Variants in ELMO2 observed in about 807,000 individuals in gnomAD.
ELMO2 encodes engulfment and cell motility 2, also known as engulfment and cell motility protein 2.
In ELMO2, 37 loss-of-function variants were observed where a neutral mutation model predicts 96.2. The observed-to-expected ratio is 0.38, with a 90% CI of 0.30 to 0.51. The LOEUF is 0.51. Among genes scored for constraint, ELMO2 ranks in the 20% least tolerant of loss-of-function variants. The pLI is 0.88. For synonymous variants in ELMO2, 315 were observed against 329.4 expected, an observed-to-expected ratio of 0.96 and a Z score of 0.47; for missense variants, 561 against 912.6, an observed-to-expected ratio of 0.61 and a Z score of 4.96.
At position 46,374,460 on chromosome 20, in the gene ELMO2, G is replaced by A. The variant is rs1380056421; in HGVS notation, c.1171-20C>T. On this transcript the variant is annotated intron_variant, in intron 14 of 21. Transcript: ENST00000290246. ...GACAATCTGTCGGGGGAAGAGAAAG[G>A]GAGGATTAGGGAGATGAAGGAGGAA... 3 of 1,613,060 alleles carry A rather than the reference G, an allele frequency of 1.9e-6. No individual in the cohort carries two copies. Among genetic ancestry groups the A allele is most frequent in the Non-Finnish European group, 2.5e-6 (3 of 1,179,030 alleles).
intron 2 of ELMO2, among the ~76,000 whole-genome samples, chr20:46,398,256 C>G (rs2060279613): frequency 6.6e-6 from 1 of 152,082 alleles, no homozygotes; most frequent in South Asian, 2.1e-4. Flanking sequence ...TATATGGTAA[C>G]TTCATAGTAA....
At chr20:46,376,868 T>C (rs2059869547) in intron 11 of ELMO2, 2 of 1,196,684 alleles carry the variant, frequency 1.7e-6, no homozygotes, top group Non-Finnish European at 2.1e-6. Flanking sequence ...GCTATTTGCA[T>C]TTAAATCAGT....
chr20:46,401,104 T>C lies in ELMO2; in HGVS notation c.-125-2333A>G, dbSNP rs566044741. 6.6e-5 allele frequency among the ~76,000 whole-genome samples: 10 copies of C among 152,348 alleles called. No homozygotes were observed. In the East Asian group the frequency reaches 7.7e-4, roughly 12 times the overall value. On this transcript the variant is annotated intron_variant, in intron 1 of 21. Coordinates refer to ENST00000290246, the MANE Select transcript of ELMO2 (RefSeq NM_133171.5). ...GAGGCATGGGTAAGTTTGGTTTATGTTTCCTGCAACAGAATGCAACCTCAT... is the reference window on the plus strand; with the variant it reads ...GAGGCATGGGTAAGTTTGGTTTATGCTTCCTGCAACAGAATGCAACCTCAT...
Position 46,389,220 on chromosome 20 carries a change from A to T in ELMO2, c.244T>A (p.Ser82Thr). The T allele has an allele frequency of 6.2e-7, 1 of 1,613,474 alleles. No individual in the cohort carries two copies. The highest frequency in any genetic ancestry group is 1.1e-5 in the South Asian group (1 of 91,010). The change falls in exon 7 of 22, where the codon TCC becomes ACC. Residue 82 changes from serine (S) to threonine (T), a missense_variant and splice_region_variant. Ser to Thr is a moderately conservative substitution (Grantham distance 58). Transcript: ENST00000290246. ...TCCATCAGCTGGCGTGCAGCCCGGG[A>T]CTAGGAGGCCAGGGACAAGATATGT... is the stretch of plus-strand genomic sequence containing the variant. ...GTILQLAISP[S>T]RAARQLMERT...
chr20:46,379,605 A>G (rs1437456143), intron 11 of ELMO2, among the ~76,000 whole-genome samples: 1 of 152,080 alleles, frequency 6.6e-6, no homozygotes, highest in Non-Finnish European at 1.5e-5. Context: ...CTCCTCATCT[A>G]CTTGCTCCTT....
Position 46,375,109 on chromosome 20 carries a change from C to T in ELMO2, c.1065+127G>A. On this transcript the variant is annotated intron_variant, in intron 13 of 21. Coordinates refer to ENST00000290246, the MANE Select transcript of ELMO2 (RefSeq NM_133171.5). The surrounding 1 kb of genome is among the most constrained non-coding windows in gnomAD (Gnocchi z 4.6). The stretch of plus-strand genomic sequence containing the variant: ...AGCAAAGCAAGCATTAAAGCTCCAC[C>T]AGCTTCCTAACTGTCATCTATTCCA... 1 of 1,287,382 alleles carries T rather than the reference C, an allele frequency of 7.8e-7. No homozygotes were observed. The highest frequency in any genetic ancestry group is 2.3e-5 in the East Asian group (1 of 42,886). 79.7% of individuals were successfully genotyped at this position (1,287,382 alleles called of 1,614,324 possible). A position where few individuals can be genotyped will look rare whatever the true frequency, so the allele number is the denominator to read the frequency against.
chr20:46,393,165 A>C, intron 5 of ELMO2, 22 bp from the exon 6 acceptor site: 1 of 1,611,866 alleles, frequency 6.2e-7, no homozygotes, highest in South Asian at 1.1e-5. Flanking sequence ...AAAATAAACA[A>C]AAAAAGTAAC....
Position 46,371,401 on chromosome 20 carries a change from C to G in ELMO2, c.1752G>C (p.Leu584Phe). The G allele has an allele frequency of 1.2e-6, 2 of 1,614,234 alleles. No homozygotes were observed. The stretch of plus-strand genomic sequence containing the variant: ...TCACCTCCCCTTGTGGGTTGTCATC[C>G]AAGTCACCATAGTGAAGGACCTTGT... ...LNHKVLHYGD[L>F]DDNPQGEVTF... The change falls in exon 19 of 22, where the codon TTG becomes TTC. Residue 584 changes from leucine to phenylalanine, a missense_variant. Leu to Phe is a conservative substitution (Grantham distance 22). Coordinates refer to ENST00000290246, the MANE Select transcript of ELMO2 (RefSeq NM_133171.5). The surrounding 1 kb of genome is among the most constrained non-coding windows in gnomAD (Gnocchi z 5.9).
At chr20:46,388,751 G>T (rs145513881) in intron 7 of ELMO2, among the ~76,000 whole-genome samples, 280 of 152,302 alleles carry the variant, frequency 1.8e-3, no homozygotes, top group African/African-American at 6.1e-3. Context: ...CTGTCACGAC[G>T]TGACTGCTCT....
chr20:46,401,819 A>G (rs1353435026), intron 1 of ELMO2, among the ~76,000 whole-genome samples: 3 of 152,180 alleles, frequency 2.0e-5, no homozygotes, highest in Non-Finnish European at 2.9e-5. Context: ...TCACTCTTCT[A>G]TGTGGCTTTC....
At position 46,371,456 on chromosome 20, in the gene ELMO2, C is replaced by T. The variant is rs750963456; in HGVS notation, c.1697G>A (p.Arg566Gln). Residue 566 changes from arginine to glutamine, a missense_variant, in exon 19 of 22, where the codon CGG becomes CAG. Transcript: ENST00000290246. The surrounding 1 kb of genome is among the most constrained non-coding windows in gnomAD (Gnocchi z 5.9). ...CAGTGCCAACCGGCAGTACCAGAAC[C>T]GTTCTGGAACACAAGGGAAGCCAAA... ...RKIGNRRRQE[R>Q]FWYCRLALNH... 9 of 1,614,196 alleles carry T rather than the reference C, an allele frequency of 5.6e-6. No homozygotes were observed. The highest frequency in any genetic ancestry group is 2.2e-5 in the East Asian group (1 of 44,886).
Position 46,366,393 on chromosome 20 carries a change from C to G in ELMO2, c.*967G>C, listed in dbSNP as rs1301201497. ...CAAGTGCTGCAGCACCAGGGAAGCCCCACTGGCACAGGTGTGGCCTCAGCC... is the reference window on the plus strand; with the variant it reads ...CAAGTGCTGCAGCACCAGGGAAGCCGCACTGGCACAGGTGTGGCCTCAGCC... On this transcript the variant is annotated 3_prime_UTR_variant, in exon 22 of 22. Coordinates refer to ENST00000290246, the MANE Select transcript of ELMO2 (RefSeq NM_133171.5). The G allele has an allele frequency of 2.2e-4, 33 of 152,706 alleles. No individual in the cohort carries two copies. Among genetic ancestry groups the G allele is most frequent in the Admixed American group, 2.2e-3 (33 of 15,290 alleles). The allele number at this position is 152,706 out of a possible 1,614,324, so 9.5% of individuals were successfully genotyped here.
intron 1 of ELMO2, among the ~76,000 whole-genome samples, chr20:46,405,178 GTAAA>G (rs746601489): frequency 6.6e-6 from 1 of 152,192 alleles, no homozygotes. Flanking sequence ...CAATACTTTT[GTAAA>G]TAAATGTAAA....
chr20:46,404,517 G>A (rs969371369), intron 1 of ELMO2, among the ~76,000 whole-genome samples: 5 of 152,080 alleles, frequency 3.3e-5, no homozygotes, highest in Admixed American at 6.5e-5. Flanking sequence ...AATTATCCCC[G>A]GCAGGCAACC....
intron 1 of ELMO2, among the ~76,000 whole-genome samples, chr20:46,404,034 A>G (rs902225687): frequency 2.6e-5 from 4 of 152,202 alleles, no homozygotes; most frequent in Non-Finnish European, 4.4e-5. Context: ...CAGTTAGCCG[A>G]GATGGCACCA....
chr20:46,395,569 C>G (rs532573825), intron 2 of ELMO2, among the ~76,000 whole-genome samples: 1 of 152,166 alleles, frequency 6.6e-6, no homozygotes, highest in African/African-American at 2.4e-5. Flanking sequence ...GCATAGCTGT[C>G]GCGAGGCTAT....
chr20:46,378,362 C>T (rs1332541492), intron 11 of ELMO2, among the ~76,000 whole-genome samples: 1 of 152,204 alleles, frequency 6.6e-6, no homozygotes, highest in Non-Finnish European at 1.5e-5. Context: ...ATAGTGAAAT[C>T]TTTACTTGTT....
intron 9 of ELMO2, among the ~76,000 whole-genome samples, chr20:46,384,810 A>T (rs1453281294): frequency 1.1e-4 from 17 of 151,864 alleles, no homozygotes; most frequent in Non-Finnish European, 2.4e-4. Flanking sequence ...ATAAAAAAAA[A>T]AAAAAAACTA....
Position 46,393,266 on chromosome 20 carries a change from G to A in ELMO2, c.193-123C>T, listed in dbSNP as rs879151789. 23 of 1,020,864 alleles carry A rather than the reference G, an allele frequency of 2.3e-5. No individual in the cohort carries two copies. The Admixed American group carries it at 2.3e-4, about 10-fold the overall frequency. The allele number at this position is 1,020,864 out of a possible 1,614,324, so 63.2% of individuals were successfully genotyped here. A position where few individuals can be genotyped will look rare whatever the true frequency, so the allele number is the denominator to read the frequency against. On this transcript the variant is annotated intron_variant, in intron 5 of 21. Transcript: ENST00000290246. ...TAGATGTAACTGAGGATCTTCAGTC[G>A]GGCCCTCTTCTCCTGCTTATTCCTT...
Sources: gnomAD v4.1 joint callset for allele counts (sites outside exome capture counted in the v4.1 genomes callset) on GRCh38, gnomAD v4.1.1 for gene constraint, Gnocchi (gnomAD v3.1) non-coding constraint, MANE v1.5 for transcripts, NCBI Gene and HGNC (gene_info 2026-07-23, HGNC 2026-07-21) for gene names.